The following CDKN3 variants were observed in gnomAD, a reference collection of about 807,000 sequenced individuals.
The protein encoded by CDKN3 is cyclin dependent kinase inhibitor 3.
In CDKN3, 19 loss-of-function variants were observed where a neutral mutation model predicts 36.1. The observed-to-expected ratio is 0.53, with a 90% confidence interval of 0.37 to 0.77. CDKN3 has a LOEUF of 0.77. CDKN3 is among the 30% of genes least tolerant of loss of function. CDKN3 has a pLI of 0.00. For synonymous variants in CDKN3, 71 were observed against 85.3 expected (o/e 0.83, Z 0.92); for missense variants, 188 against 248.6 (o/e 0.76, Z 1.64).
intron 7 of CDKN3, among the ~76,000 whole-genome samples, chr14:54,419,656 G>GA (rs980851730): frequency 1.6e-4 from 24 of 152,208 alleles, no homozygotes; most frequent in African/African-American, 5.8e-4. Flanking sequence ...TCTTACCAGG[G>GA]GGGAAAAATG....
intron 1 of CDKN3, 84 bp downstream of exon 1, chr14:54,397,161 A>T: frequency 1.5e-6 from 2 of 1,347,212 alleles, no homozygotes; most frequent in Non-Finnish European, 1.9e-6. Context: ...GCCGGAGGGC[A>T]GCCCTAGCCT....
intron 2 of CDKN3, among the ~76,000 whole-genome samples, 176 bp from the exon 3 acceptor site, chr14:54,401,348 A>G (rs1333223761): frequency 6.6e-6 from 1 of 152,076 alleles, no homozygotes; most frequent in Non-Finnish European, 1.5e-5. Flanking sequence ...TTGTCTTTCT[A>G]TGTTTTTTTT....
In CDKN3 at chr14:54,411,532, GAGGGGAACTGTCAAA is replaced by G; in HGVS notation, c.244_258del (p.Gly82_Lys86del). 6.2e-7 allele frequency: 1 copy of G among 1,614,042 alleles called. No individual in the cohort carries two copies. The highest frequency in any genetic ancestry group is 8.5e-7 in the Non-Finnish European group (1 of 1,180,028). ...CAAGACATATTTGTTTTCTGCACCA[GAGGGGAACTGTCAAA>G]ATATAGAGTCCCAAACCTTCTGGAT... is the stretch of plus-strand genomic sequence containing the variant. On this transcript the variant is annotated inframe_deletion, in exon 5 of 8. Coordinates refer to ENST00000335183, the MANE Select transcript of CDKN3 (RefSeq NM_005192.4).
In CDKN3 at chr14:54,420,119, C is replaced by A; in HGVS notation, c.*41C>A. ...ATATATATGACCATGTCTGAAATGTCAGTTCTCTAGCATAATTTGTATTGA... is the reference window on the plus strand; with the variant it reads ...ATATATATGACCATGTCTGAAATGTAAGTTCTCTAGCATAATTTGTATTGA... On this transcript the variant is annotated 3_prime_UTR_variant, in exon 8 of 8. Coordinates refer to ENST00000335183, the MANE Select transcript of CDKN3 (RefSeq NM_005192.4). 8.8e-7 allele frequency: 1 copy of A among 1,136,954 alleles called. No homozygotes were observed. The highest frequency in any genetic ancestry group is 1.3e-5 in the South Asian group (1 of 75,936). The allele number at this position is 1,136,954 out of a possible 1,614,324, so 70.4% of individuals were successfully genotyped here.
intron 5 of CDKN3, among the ~76,000 whole-genome samples, chr14:54,413,102 A>G (rs892394326): frequency 6.6e-6 from 1 of 152,250 alleles, no homozygotes; most frequent in Non-Finnish European, 1.5e-5. Flanking sequence ...TCTGACATAC[A>G]GAGAAATATA....
In CDKN3 at chr14:54,420,177, A is replaced by G; in HGVS notation, c.*99A>G. ...CCACCAGTGTTATCAACTTGAATGT[A>G]AATGTACATGTGCAGATATTCCTAA... On this transcript the variant is annotated 3_prime_UTR_variant, in exon 8 of 8. Coordinates refer to ENST00000335183, the MANE Select transcript of CDKN3 (RefSeq NM_005192.4). 1 of 667,014 alleles carries G rather than the reference A, an allele frequency of 1.5e-6. No individual in the cohort carries two copies. 41.3% of individuals were successfully genotyped at this position (667,014 alleles called of 1,614,324 possible). A position where few individuals can be genotyped will look rare whatever the true frequency, so the allele number is the denominator to read the frequency against.
chr14:54,413,625 C>T (rs747145058), intron 5 of CDKN3: 55 of 1,534,944 alleles, frequency 3.6e-5, no homozygotes, highest in Admixed American at 5.9e-5. Flanking sequence ...AGGTGTCCTA[C>T]GGTGACTAGT....
Position 54,401,639 on chromosome 14 carries a change from T to G in CDKN3, c.148+60T>G. The G allele has an allele frequency of 2.5e-6, 3 of 1,179,130 alleles. No homozygotes were observed. In the South Asian group the frequency reaches 4.5e-5, roughly 18 times the overall value. The allele number at this position is 1,179,130 out of a possible 1,614,324, so 73.0% of individuals were successfully genotyped here. On this transcript the variant is annotated intron_variant, in intron 3 of 7. Transcript: ENST00000335183. ...GTATATATTTTTTAATATATTTTTA[T>G]TGCAGTAGCTTTTGGGGGGACAGGT...
intron 4 of CDKN3, among the ~76,000 whole-genome samples, chr14:54,410,936 T>G (rs996345959): frequency 6.6e-6 from 1 of 152,144 alleles, no homozygotes; most frequent in African/African-American, 2.4e-5. Context: ...CCCAGCACTT[T>G]GGGAGGCGGA....
rs1272200475 is a variant in CDKN3 at position 54,397,267 on chromosome 14, GT to G, written c.9+191del. Among the ~76,000 whole-genome samples, 8 of 152,282 alleles carry G rather than the reference GT, an allele frequency of 5.3e-5. No individual in the cohort carries two copies. In the East Asian group the frequency reaches 1.3e-3, roughly 26 times the overall value. On this transcript the variant is annotated intron_variant, in intron 1 of 7. Transcript: ENST00000335183. ...CACGAGAGACGAAGGAGCAGGGTCG[GT>G]GGCCGACGAAGGAAAGACGGACATT...
chr14:54,411,852 A>C (rs2030368394), intron 5 of CDKN3, 146 bp downstream of exon 5: 1 of 701,960 alleles, frequency 1.4e-6, no homozygotes, highest in Non-Finnish European at 2.6e-6. Flanking sequence ...GCACTGGCAC[A>C]ATGTCTGGTA....
chr14:54,418,549 T>G, intron 7 of CDKN3: 1 of 357,496 alleles, frequency 2.8e-6, no homozygotes, highest in Non-Finnish European at 5.1e-6. Flanking sequence ...ATTCTGCAGA[T>G]GTCACTTCAT....
chr14:54,407,098 C>T (rs543894864), intron 3 of CDKN3, among the ~76,000 whole-genome samples: 1 of 152,314 alleles, frequency 6.6e-6, no homozygotes, highest in South Asian at 2.1e-4. Flanking sequence ...AACAGTCAGG[C>T]CCCTCTTCTG....
intron 7 of CDKN3, 37 bp downstream of exon 7, chr14:54,417,988 G>T (rs1428710154): frequency 1.6e-6 from 2 of 1,214,262 alleles, no homozygotes; most frequent in South Asian, 1.3e-5. Context: ...GTTGTGGTTG[G>T]GGTCGTTGTT....
Position 54,414,695 on chromosome 14 carries a change from G to A in CDKN3, c.417-1204G>A, listed in dbSNP as rs4251651. Among the ~76,000 whole-genome samples, 381 of 147,060 alleles carry A rather than the reference G, an allele frequency of 2.6e-3. 2 individuals carry two copies. The highest frequency in any genetic ancestry group is 9.2e-3 in the African/African-American group (365 of 39,482). Reference sequence around the variant, plus strand: ...CGAGTAGCTAGGACTTCAGGTGTGCGCCACCGTGCCAGGCTTTTTTTTTTT... The same window carrying A: ...CGAGTAGCTAGGACTTCAGGTGTGCACCACCGTGCCAGGCTTTTTTTTTTT... On this transcript the variant is annotated intron_variant, in intron 5 of 7. Transcript: ENST00000335183.
chr14:54,418,343 T>C (rs2030618034), intron 7 of CDKN3: 4 of 685,992 alleles, frequency 5.8e-6, no homozygotes, highest in Non-Finnish European at 1.1e-5. Flanking sequence ...AAAAAAAATC[T>C]ATGGAAGATC....
At chr14:54,399,609 T>C (rs1886416589) in intron 1 of CDKN3, among the ~76,000 whole-genome samples, 1 of 152,334 alleles carries the variant, frequency 6.6e-6, no homozygotes, top group Admixed American at 6.5e-5. Context: ...CAGAACCAAC[T>C]GAAGTGGCTT....
At chr14:54,402,190 G>T (rs2029973268) in intron 3 of CDKN3, among the ~76,000 whole-genome samples, 1 of 148,092 alleles carries the variant, frequency 6.8e-6, no homozygotes, top group African/African-American at 2.5e-5. Context: ...TGGCAACAGA[G>T]CGAGACTCTG....
chr14:54,402,224 T>G (rs952184471), intron 3 of CDKN3, among the ~76,000 whole-genome samples: 3 of 148,478 alleles, frequency 2.0e-5, no homozygotes, highest in Admixed American at 6.7e-5. Flanking sequence ...AAAAAAAGAA[T>G]AATAGTCTCC....
Sources: gnomAD v4.1 joint callset for allele counts (sites outside exome capture counted in the v4.1 genomes callset) on GRCh38, gnomAD v4.1.1 for gene constraint, MANE v1.5 for transcripts, NCBI Gene and HGNC (gene_info 2026-07-23, HGNC 2026-07-21) for gene names.